FOXN1: variants seen among roughly 807,000 people sequenced by gnomAD.
The protein encoded by FOXN1 is forkhead box N1, also known as forkhead box protein N1.
A neutral mutation model predicts 49.0 loss-of-function variants in FOXN1; 15 were observed. The observed-to-expected ratio is 0.31, with a 90% CI of 0.20 to 0.47. The LOEUF (loss-of-function observed/expected upper bound fraction) is 0.47. FOXN1 is among the 20% of genes least tolerant of loss of function. FOXN1 has a pLI of 1.00. For missense variants in FOXN1, 800 were observed against 842.8 expected (o/e 0.95, Z 0.63); for synonymous variants, 356 against 369.0 (o/e 0.96, Z 0.40).
intron 1 of FOXN1, among the ~76,000 whole-genome samples, chr17:28,522,860 C>A (rs2151485119): frequency 6.6e-6 from 1 of 151,586 alleles, no homozygotes; most frequent in Admixed American, 6.6e-5. Flanking sequence ...AAAGTGAGAA[C>A]CACACTCACA....
intron 3 of FOXN1, among the ~76,000 whole-genome samples, chr17:28,526,781 T>A (rs1335239867): frequency 6.6e-6 from 1 of 152,122 alleles, no homozygotes; most frequent in African/African-American, 2.4e-5. Flanking sequence ...GGCCCACAGC[T>A]GGACCAGCCT....
At chr17:28,530,045 G>T (rs2069872779) in intron 5 of FOXN1, among the ~76,000 whole-genome samples, 1 of 151,532 alleles carries the variant, frequency 6.6e-6, no homozygotes, top group Admixed American at 6.6e-5. Flanking sequence ...GGGGTTGGGG[G>T]CAAGGGGAGG....
At chr17:28,530,183 T>TA (rs912511995) in intron 5 of FOXN1, among the ~76,000 whole-genome samples, 18 of 150,996 alleles carry the variant, frequency 1.2e-4, no homozygotes, top group South Asian at 4.2e-4. Flanking sequence ...TAAAGTATAA[T>TA]AAAAAAAATA....
chr17:28,517,163 C>A lies in FOXN1; in HGVS notation c.-14-6793C>A, dbSNP rs371266997. 1.9e-3 allele frequency among the ~76,000 whole-genome samples: 180 copies of A among 93,818 alleles called. 2 individuals carry two copies. Among genetic ancestry groups the A allele is most frequent in the Middle Eastern group, 8.8e-3 (1 of 114 alleles). The allele number at this position is 93,818 out of a possible 152,430, so 61.5% of individuals were successfully genotyped here. On this transcript the variant is annotated intron_variant, in intron 1 of 8. Coordinates refer to ENST00000579795, the MANE Select transcript of FOXN1 (RefSeq NM_001369369.1). ...CACAGGGTACACACCTCCACAGGAT[C>A]CACACCTCCACAGGGTACACACCTC... is the stretch of plus-strand genomic sequence containing the variant.
chr17:28,537,483 C>T lies in FOXN1; in HGVS notation c.*47C>T, dbSNP rs764179789. On this transcript the variant is annotated 3_prime_UTR_variant, in exon 9 of 9. Coordinates refer to ENST00000579795, the MANE Select transcript of FOXN1 (RefSeq NM_001369369.1). The stretch of plus-strand genomic sequence containing the variant: ...TCCAGCGTTTGCCTGGTCTGGAAGT[C>T]CTGGCCGGCCGCCCACATCGGGCTC... 6.8e-7 allele frequency: 1 copy of T among 1,473,230 alleles called. No individual in the cohort carries two copies. The allele number at this position is 1,473,230 out of a possible 1,614,324, so 91.3% of individuals were successfully genotyped here. A position where few individuals can be genotyped will look rare whatever the true frequency, so the allele number is the denominator to read the frequency against.
At chr17:28,520,446 A>G (rs943234880) in intron 1 of FOXN1, among the ~76,000 whole-genome samples, 1 of 152,206 alleles carries the variant, frequency 6.6e-6, no homozygotes, top group African/African-American at 2.4e-5. Context: ...ATGGTCACCA[A>G]ATCAGGAGTC....
intron 8 of FOXN1, among the ~76,000 whole-genome samples, chr17:28,535,962 T>A (rs1461582015): frequency 6.6e-6 from 1 of 151,752 alleles, no homozygotes; most frequent in African/African-American, 2.4e-5. Flanking sequence ...GAGATAGGAG[T>A]TTGGGGAGGG....
intron 1 of FOXN1, among the ~76,000 whole-genome samples, chr17:28,511,959 G>C (rs191194221): frequency 1.3e-3 from 191 of 152,272 alleles, no homozygotes; most frequent in Non-Finnish European, 1.2e-3. Flanking sequence ...CAACTCCAAA[G>C]CCAATTACCT....
At chr17:28,527,767 T>G (rs1419231698) in intron 4 of FOXN1, among the ~76,000 whole-genome samples, 1 of 152,196 alleles carries the variant, frequency 6.6e-6, no homozygotes, top group Non-Finnish European at 1.5e-5. Flanking sequence ...GCCACCATCT[T>G]GCTATGTGAC....
chr17:28,513,643 G>A (rs2069437389), intron 1 of FOXN1, among the ~76,000 whole-genome samples: 2 of 152,278 alleles, frequency 1.3e-5, no homozygotes, highest in African/African-American at 4.8e-5. Flanking sequence ...GGCCTGGGGA[G>A]ACAGCCCCGC....
Position 28,535,111 on chromosome 17 carries a change from A to C in FOXN1, c.1540A>C (p.Thr514Pro). 6.2e-7 allele frequency: 1 copy of C among 1,608,462 alleles called. No homozygotes were observed. The highest frequency in any genetic ancestry group is 8.5e-7 in the Non-Finnish European group (1 of 1,176,346). Residue 514 changes from threonine to proline, a missense_variant, in exon 8 of 9, where the codon ACT becomes CCT. Thr to Pro is a conservative substitution (Grantham distance 38). This residue lies in a region of FOXN1 where 344 missense variants were observed against 366.1 expected (regional missense o/e 0.94). Transcript: ENST00000579795. ...KLLAEPSPAR[T>P]MHDTLLPDGD... ...ACTGGCCGAGCCTTCCCCAGCCAGG[A>C]CTATGCACGACACCCTGCTGCCAGA...
At chr17:28,530,952 G>A (rs2069898946) in intron 6 of FOXN1, 107 bp downstream of exon 6, 1 of 745,384 alleles carries the variant, frequency 1.3e-6, no homozygotes, top group African/African-American at 1.7e-5. Flanking sequence ...TAGAACGAAA[G>A]CCAGGAGAGG....
chr17:28,536,755 C>A (rs2070074505), intron 8 of FOXN1, among the ~76,000 whole-genome samples: 1 of 152,142 alleles, frequency 6.6e-6, no homozygotes, highest in Admixed American at 6.5e-5. Flanking sequence ...ATCTGGGCTG[C>A]AAATCTACCT....
chr17:28,520,128 A>C (rs943202317), intron 1 of FOXN1, among the ~76,000 whole-genome samples: 4 of 152,224 alleles, frequency 2.6e-5, no homozygotes, highest in Admixed American at 1.3e-4. Flanking sequence ...GAAGTTAAGC[A>C]TCATGCCCAA....
At position 28,524,890 on chromosome 17, in the gene FOXN1, TTCCTGC is replaced by T; in HGVS notation, c.512_517del (p.Phe171_Pro173delinsSer). On this transcript the variant is annotated inframe_deletion, in exon 3 of 9. Coordinates refer to ENST00000579795, the MANE Select transcript of FOXN1 (RefSeq NM_001369369.1). ...AGTGGACGTGGCGGAGGCCGAGGCC[TTCCTGC>T]CTGGCTTCTCAGCAGAGGCCTGGTG... 2 of 1,613,550 alleles carry T rather than the reference TTCCTGC, an allele frequency of 1.2e-6. No individual in the cohort carries two copies. The highest frequency in any genetic ancestry group is 1.7e-6 in the Non-Finnish European group (2 of 1,180,008).
chr17:28,536,445 A>T (rs2070066262), intron 8 of FOXN1, among the ~76,000 whole-genome samples: 1 of 152,092 alleles, frequency 6.6e-6, no homozygotes, highest in South Asian at 2.1e-4. Context: ...TTGAGAACTT[A>T]CTCTAGGTCA....
rs2151486053 is a variant in FOXN1 at position 28,523,839 on chromosome 17, T to C, written c.-14-117T>C. On this transcript the variant is annotated intron_variant, in intron 1 of 8. Coordinates refer to ENST00000579795, the MANE Select transcript of FOXN1 (RefSeq NM_001369369.1). ...CTCTCTCTCTCTCTCTCTCATCAGA[T>C]GGCTGACTGGAGGCAGGGTCCCAGC... 3.8e-6 allele frequency: 3 copies of C among 793,084 alleles called. No homozygotes were observed. The South Asian group carries it at 4.1e-5, about 11-fold the overall frequency. The allele number at this position is 793,084 out of a possible 1,614,324, so 49.1% of individuals were successfully genotyped here. A position where few individuals can be genotyped will look rare whatever the true frequency, so the allele number is the denominator to read the frequency against.
At position 28,534,369 on chromosome 17, in the gene FOXN1, C is replaced by T; in HGVS notation, c.966C>T (p.Asn322=). The T allele has an allele frequency of 3.7e-6, 6 of 1,614,148 alleles. No homozygotes were observed. Among genetic ancestry groups the T allele is most frequent in the Non-Finnish European group, 5.1e-6 (6 of 1,180,000 alleles). ...PDGWKNSVRH[N]LSLNKCFEKV... ...GCTGGAAGAATTCTGTCCGGCACAA[C>T]CTATCCCTCAACAAGTGCTTCGAGA... is the stretch of plus-strand genomic sequence containing the variant. Residue 322 remains asparagine, a synonymous_variant, in exon 7 of 9, where the codon AAC becomes AAT. Coordinates refer to ENST00000579795, the MANE Select transcript of FOXN1 (RefSeq NM_001369369.1). The surrounding 1 kb of genome is among the most constrained non-coding windows in gnomAD (Gnocchi z 4.1).
intron 3 of FOXN1, among the ~76,000 whole-genome samples, chr17:28,526,846 G>A (rs1009269993): frequency 1.2e-4 from 19 of 152,164 alleles, no homozygotes; most frequent in African/African-American, 4.6e-4. Flanking sequence ...GAGTTCTGGA[G>A]CTGTGACCTT....
Sources: gnomAD v4.1 joint callset for allele counts (sites outside exome capture counted in the v4.1 genomes callset) on GRCh38, gnomAD v4.1.1 for gene constraint, gnomAD v4.1.1 regional missense constraint, Gnocchi (gnomAD v3.1) non-coding constraint, MANE v1.5 for transcripts, NCBI Gene and HGNC (gene_info 2026-07-23, HGNC 2026-07-21) for gene names.